Variants in MAP3K13 observed in about 807,000 individuals in gnomAD.
The protein encoded by MAP3K13 is leucine zipper-bearing kinase.
Under a neutral mutation model 104.0 loss-of-function variants are expected in MAP3K13, and 52 were observed. That is an observed-to-expected ratio of 0.50 (90% confidence interval 0.40 to 0.63). The LOEUF (loss-of-function observed/expected upper bound fraction) is 0.63, where lower values mean the gene tolerates loss of function less well. Ranked by LOEUF, MAP3K13 falls within the 20% of genes least tolerant of loss-of-function variation. The pLI, the probability that MAP3K13 is intolerant of heterozygous loss-of-function variation, is 0.00. For missense variants in MAP3K13, 914 were observed against 1,218.5 expected, an observed-to-expected ratio of 0.75 and a Z score of 3.72; for synonymous variants, 394 against 442.2, an observed-to-expected ratio of 0.89 and a Z score of 1.37.
At chr3:185,470,458 C>T (rs1446389414) in intron 10 of MAP3K13, among the ~76,000 whole-genome samples, 2 of 152,196 alleles carry the variant, frequency 1.3e-5, no homozygotes, top group Non-Finnish European at 2.9e-5. Flanking sequence ...TGAAAGAACT[C>T]CCTCCCTTTA....
In MAP3K13 at chr3:185,301,395, C is replaced by A. The variant is rs568073895; in HGVS notation, c.-86+15752C>A. ...ATTTTTGTCAAGTTCTCTTGAGAAA[C>A]TTTTTAAGGTTGCCTTTTCACTCTT... On this transcript the variant is annotated intron_variant, in intron 2 of 14. Transcript: ENST00000424227. Among the ~76,000 whole-genome samples, 235 of 151,886 alleles carry A rather than the reference C, an allele frequency of 1.5e-3. 3 individuals carry two copies. The highest frequency in any genetic ancestry group is 4.7e-3 in the African/African-American group (196 of 41,420).
At position 185,363,222 on chromosome 3, in the gene MAP3K13, T is replaced by C; in HGVS notation, c.-232T>C. ...ATGAATCTGTGACGTCAGCAAGCCT[T>C]TGGGCTCCTTTGCGGTGGGCTGGAG... On this transcript the variant is annotated 5_prime_UTR_variant, in exon 1 of 14. Coordinates refer to ENST00000265026, the MANE Select transcript of MAP3K13 (RefSeq NM_004721.5). 1.0e-6 allele frequency: 1 copy of C among 985,376 alleles called. No individual in the cohort carries two copies. The highest frequency in any genetic ancestry group is 1.1e-4 in the East Asian group (1 of 8,816). 61.0% of individuals were successfully genotyped at this position (985,376 alleles called of 1,614,324 possible). A position where few individuals can be genotyped will look rare whatever the true frequency, so the allele number is the denominator to read the frequency against.
chr3:185,329,225 A>C, intron 2 of MAP3K13: 1 of 703,174 alleles, frequency 1.4e-6, no homozygotes, highest in South Asian at 1.5e-5. Flanking sequence ...TGTTGAGTGC[A>C]AGTGTTTACA....
chr3:185,451,476 C>T lies in MAP3K13; in HGVS notation c.1278+81C>T, dbSNP rs551615617. 1.9e-5 allele frequency: 17 copies of T among 902,290 alleles called. No individual in the cohort carries two copies. In the East Asian group the frequency reaches 3.9e-4, roughly 20 times the overall value. 55.9% of individuals were successfully genotyped at this position (902,290 alleles called of 1,614,324 possible). On this transcript the variant is annotated intron_variant, in intron 7 of 13. Coordinates refer to ENST00000265026, the MANE Select transcript of MAP3K13 (RefSeq NM_004721.5). ...AAACAGAGTAACTCTTAGAAGGGCC[C>T]ATTGTGTTTGTTATAATAGTTATAT...
At chr3:185,385,249 C>T (rs1251073744) in intron 1 of MAP3K13, among the ~76,000 whole-genome samples, 1 of 152,156 alleles carries the variant, frequency 6.6e-6, no homozygotes, top group Non-Finnish European at 1.5e-5. Flanking sequence ...CTCCCGGATT[C>T]AAGTGATTCT....
At chr3:185,305,587 G>A (rs1462530472) in intron 2 of MAP3K13, among the ~76,000 whole-genome samples, 1 of 152,024 alleles carries the variant, frequency 6.6e-6, no homozygotes, top group East Asian at 1.9e-4. Flanking sequence ...CCTTTACAGA[G>A]AGCTTTACGT....
intron 1 of MAP3K13, among the ~76,000 whole-genome samples, chr3:185,413,011 A>T (rs140567114): frequency 4.2e-4 from 64 of 152,336 alleles, no homozygotes; most frequent in African/African-American, 1.5e-3. Flanking sequence ...TCCACAAATG[A>T]ACCTACTTAG....
Position 185,443,555 on chromosome 3 carries a change from T to G in MAP3K13, c.770T>G (p.Val257Gly), listed in dbSNP as rs752118068. The G allele has an allele frequency of 6.2e-7, 1 of 1,614,164 alleles. No homozygotes were observed. The highest frequency in any genetic ancestry group is 8.5e-7 in the Non-Finnish European group (1 of 1,179,986). ...AGGAAGATCACACCTCGATTGCTAG[T>G]AGACTGGTCCACAGGAATTGCAAGT... is the stretch of plus-strand genomic sequence containing the variant. ...AGRKITPRLL[V>G]DWSTGIASGM... is the part of the protein sequence containing the mutation. Residue 257 changes from valine (V) to glycine (G), a missense_variant, in exon 4 of 14, where the codon GTA becomes GGA. Val to Gly is a moderately radical substitution (Grantham distance 109, BLOSUM62 -3). This residue lies in a region of MAP3K13 where 175 missense variants were observed against 321.3 expected (regional missense o/e 0.54). Coordinates refer to ENST00000265026, the MANE Select transcript of MAP3K13 (RefSeq NM_004721.5).
At chr3:185,342,221 G>T (rs570825787) in intron 2 of MAP3K13, among the ~76,000 whole-genome samples, 1 of 152,122 alleles carries the variant, frequency 6.6e-6, no homozygotes, top group Non-Finnish European at 1.5e-5. Flanking sequence ...ATGCTGCTCC[G>T]AGATTCCTGC....
intron 2 of MAP3K13, among the ~76,000 whole-genome samples, chr3:185,351,226 G>C (rs1723128764): frequency 6.6e-6 from 1 of 152,136 alleles, no homozygotes; most frequent in Admixed American, 6.5e-5. Context: ...GATGCAGACT[G>C]AAAAACTACC....
chr3:185,440,341 G>A (rs1715256725), intron 3 of MAP3K13, among the ~76,000 whole-genome samples: 1 of 152,170 alleles, frequency 6.6e-6, no homozygotes, highest in African/African-American at 2.4e-5. Flanking sequence ...ATCACTGTTA[G>A]ACCGTTTCTA....
intron 1 of MAP3K13, among the ~76,000 whole-genome samples, chr3:185,427,375 A>T (rs1360750552): frequency 6.6e-6 from 1 of 152,054 alleles, no homozygotes; most frequent in East Asian, 1.9e-4. Context: ...AAAAAAAGAA[A>T]AAAAAACATA....
At chr3:185,317,676 G>A (rs1469460508) in intron 2 of MAP3K13, among the ~76,000 whole-genome samples, 1 of 152,100 alleles carries the variant, frequency 6.6e-6, no homozygotes, top group Non-Finnish European at 1.5e-5. Flanking sequence ...GTGGGTAAAC[G>A]TGAAGTTTTC....
chr3:185,454,223 A>C lies in MAP3K13; in HGVS notation c.1278+2828A>C, dbSNP rs1368820361. On this transcript the variant is annotated intron_variant, in intron 7 of 13. Coordinates refer to ENST00000265026, the MANE Select transcript of MAP3K13 (RefSeq NM_004721.5). ...TATGATACATATATATGAGATATAT[A>C]TATGATACATATATATGAGATATAT... is the stretch of plus-strand genomic sequence containing the variant. Among the ~76,000 whole-genome samples, 3 of 33,254 alleles carry C rather than the reference A, an allele frequency of 9.0e-5. 1 individual carries two copies. The East Asian group carries it at 1.8e-3, about 20-fold the overall frequency. The allele number at this position is 33,254 out of a possible 152,430, so 21.8% of individuals were successfully genotyped here.
chr3:185,396,847 A>C (rs1387055447), intron 1 of MAP3K13, among the ~76,000 whole-genome samples: 1 of 152,212 alleles, frequency 6.6e-6, no homozygotes, highest in Non-Finnish European at 1.5e-5. Flanking sequence ...GAAGGCATGC[A>C]GACCTTTTCA....
chr3:185,436,698 G>A (rs1405248378), intron 2 of MAP3K13, among the ~76,000 whole-genome samples: 1 of 152,074 alleles, frequency 6.6e-6, no homozygotes, highest in Non-Finnish European at 1.5e-5. Flanking sequence ...TCTTAGGAGA[G>A]TATCATTAAA....
At chr3:185,455,535 T>TATATATGATATATATGAC (rs1716533441) in intron 7 of MAP3K13, among the ~76,000 whole-genome samples, 3 of 39,888 alleles carry the variant, frequency 7.5e-5, no homozygotes, top group Non-Finnish European at 1.3e-4. Flanking sequence ...ATATATGAGA[T>TATATATGATATATATGAC]ATATATGACA....
intron 2 of MAP3K13, among the ~76,000 whole-genome samples, chr3:185,434,944 C>A (rs188648200): frequency 1.1e-4 from 17 of 152,126 alleles, no homozygotes; most frequent in African/African-American, 4.1e-4. Context: ...TATTCAGCCC[C>A]CAGAATTGTC....
chr3:185,444,118 T>C (rs1447249115), intron 4 of MAP3K13, among the ~76,000 whole-genome samples: 1 of 152,158 alleles, frequency 6.6e-6, no homozygotes, highest in Non-Finnish European at 1.5e-5. Flanking sequence ...GTGGATCACT[T>C]GAGATCAGGA....
Sources: gnomAD v4.1 joint callset for allele counts (sites outside exome capture counted in the v4.1 genomes callset) on GRCh38, gnomAD v4.1.1 for gene constraint, gnomAD v4.1.1 regional missense constraint, MANE v1.5 for transcripts, NCBI Gene and HGNC (gene_info 2026-07-23, HGNC 2026-07-21) for gene names.